Variants in UVRAG observed in about 807,000 individuals in gnomAD.
UVRAG encodes UV radiation resistance associated.
A neutral mutation model predicts 78.0 loss-of-function variants in UVRAG; 19 were observed. The ratio of observed to expected loss-of-function variants is 0.24; its 90% CI spans 0.17 to 0.36. UVRAG has a LOEUF of 0.36. Ranked by LOEUF, UVRAG falls within the 10% of genes least tolerant of loss-of-function variation. UVRAG has a pLI of 1.00. For synonymous variants in UVRAG, 323 were observed against 324.6 expected (o/e 1.00, Z 0.05); for missense variants, 740 against 853.8 (o/e 0.87, Z 1.66).
chr11:76,109,121 T>C (rs1291015077), intron 13 of UVRAG, among the ~76,000 whole-genome samples: 2 of 152,234 alleles, frequency 1.3e-5, no homozygotes, highest in Non-Finnish European at 2.9e-5. Context: ...AGCAATATTT[T>C]ATTTGCCTAG....
intron 13 of UVRAG, among the ~76,000 whole-genome samples, chr11:76,082,824 G>A (rs1250403972): frequency 6.6e-6 from 1 of 152,128 alleles, no homozygotes; most frequent in African/African-American, 2.4e-5. Flanking sequence ...GAGCCCAGGA[G>A]TTCAAGACCA....
intron 8 of UVRAG, among the ~76,000 whole-genome samples, chr11:75,999,258 T>TAG (rs1949765178): frequency 7.5e-6 from 1 of 133,798 alleles, no homozygotes; most frequent in Non-Finnish European, 1.6e-5. Context: ...AAAAGTCAAC[T>TAG]TTCTAAGGCA....
intron 5 of UVRAG, among the ~76,000 whole-genome samples, chr11:75,908,057 T>G (rs1189990132): frequency 6.6e-6 from 1 of 152,144 alleles, no homozygotes; most frequent in Non-Finnish European, 1.5e-5. Flanking sequence ...CTGAAACTCT[T>G]TATTAAACAA....
intron 12 of UVRAG, among the ~76,000 whole-genome samples, chr11:76,051,550 A>G (rs1372446677): frequency 6.6e-6 from 1 of 151,332 alleles, no homozygotes; most frequent in Non-Finnish European, 1.5e-5. Flanking sequence ...ACAGCCCTGC[A>G]ACTTACAAGT....
chr11:76,099,847 G>T (rs1951848385), intron 13 of UVRAG, among the ~76,000 whole-genome samples: 1 of 151,810 alleles, frequency 6.6e-6, no homozygotes. Context: ...GTTTTCATTT[G>T]GTTTGCATGG....
intron 11 of UVRAG, among the ~76,000 whole-genome samples, chr11:76,014,846 C>G (rs1390815500): frequency 1.3e-5 from 2 of 152,156 alleles, no homozygotes; most frequent in African/African-American, 2.4e-5. Flanking sequence ...ATGTAAAGTA[C>G]TTTTAGTCCC....
At chr11:75,989,087 G>A (rs1949555258) in intron 8 of UVRAG, among the ~76,000 whole-genome samples, 1 of 151,360 alleles carries the variant, frequency 6.6e-6, no homozygotes, top group Non-Finnish European at 1.5e-5. Context: ...TTGAGATGGG[G>A]TCTCACTCTT....
At chr11:75,952,946 C>A (rs1017703407) in intron 6 of UVRAG, among the ~76,000 whole-genome samples, 1 of 151,940 alleles carries the variant, frequency 6.6e-6, no homozygotes, top group African/African-American at 2.4e-5. Flanking sequence ...GATGGTGGTT[C>A]TTTAGATTTT....
chr11:76,020,320 C>G (rs1444185898), intron 12 of UVRAG, among the ~76,000 whole-genome samples: 2 of 152,102 alleles, frequency 1.3e-5, no homozygotes, highest in Non-Finnish European at 2.9e-5. Context: ...ATTTGGTGCT[C>G]TACTCCACTG....
At chr11:76,066,948 T>C (rs1248301545) in intron 13 of UVRAG, among the ~76,000 whole-genome samples, 1 of 152,346 alleles carries the variant, frequency 6.6e-6, no homozygotes, top group East Asian at 1.9e-4. Context: ...CTTTTGTTTT[T>C]GTTGGCCTGT....
intron 14 of UVRAG, among the ~76,000 whole-genome samples, chr11:76,130,469 G>A (rs1952494267): frequency 6.6e-6 from 1 of 152,156 alleles, no homozygotes; most frequent in Non-Finnish European, 1.5e-5. Flanking sequence ...TTTATACTCT[G>A]CCTCCTTTAG....
intron 5 of UVRAG, among the ~76,000 whole-genome samples, chr11:75,908,326 G>A (rs1385534337): frequency 6.6e-6 from 1 of 152,056 alleles, no homozygotes; most frequent in African/African-American, 2.4e-5. Context: ...ATCTGTCTGT[G>A]GACACTTGGG....
chr11:76,050,929 T>G (rs1225830473), intron 12 of UVRAG, among the ~76,000 whole-genome samples: 1 of 152,192 alleles, frequency 6.6e-6, no homozygotes, highest in Non-Finnish European at 1.5e-5. Context: ...AAGCCTTAAC[T>G]TATTGTACCT....
In UVRAG at chr11:75,927,212, G is replaced by C. The variant is rs370868786; in HGVS notation, c.593+15173G>C. On this transcript the variant is annotated intron_variant, in intron 6 of 14. Transcript: ENST00000356136. ...AGCCTCCCGAGTAGCTGGGACTGCAGGTGTGTGCCACTACGCCCGTCTAAT... is the reference window on the plus strand; with the variant it reads ...AGCCTCCCGAGTAGCTGGGACTGCACGTGTGTGCCACTACGCCCGTCTAAT... Among the ~76,000 whole-genome samples the C allele has an allele frequency of 3.3e-5, 5 of 152,102 alleles. No individual in the cohort carries two copies. The East Asian group carries it at 9.7e-4, about 29-fold the overall frequency.
chr11:76,075,343 G>A (rs1180109871), intron 13 of UVRAG, among the ~76,000 whole-genome samples: 1 of 152,126 alleles, frequency 6.6e-6, no homozygotes, highest in African/African-American at 2.4e-5. Context: ...AGGCGTGGTG[G>A]CTCACACCTG....
At chr11:76,049,118 G>T (rs180910602) in intron 12 of UVRAG, among the ~76,000 whole-genome samples, 1 of 152,304 alleles carries the variant, frequency 6.6e-6, no homozygotes, top group Admixed American at 6.5e-5. Context: ...CCTGTGAAGG[G>T]GCTGCTGAAT....
intron 12 of UVRAG, among the ~76,000 whole-genome samples, chr11:76,054,641 C>T (rs984403599): frequency 1.3e-5 from 2 of 152,166 alleles, no homozygotes; most frequent in African/African-American, 2.4e-5. Flanking sequence ...TTGCACTTTT[C>T]GTTTCACCTG....
chr11:75,906,467 C>T (rs1478184328), intron 5 of UVRAG, among the ~76,000 whole-genome samples: 1 of 152,116 alleles, frequency 6.6e-6, no homozygotes, highest in Non-Finnish European at 1.5e-5. Flanking sequence ...CTGCCTCCAG[C>T]CTCCCGAGTA....
intron 14 of UVRAG, among the ~76,000 whole-genome samples, chr11:76,130,976 G>C (rs1775621995): frequency 6.6e-6 from 1 of 151,252 alleles, no homozygotes; most frequent in Admixed American, 6.6e-5. Context: ...AGCATAAACA[G>C]TTTATTATTC....
Sources: gnomAD v4.1 joint callset for allele counts (sites outside exome capture counted in the v4.1 genomes callset) on GRCh38, gnomAD v4.1.1 for gene constraint, MANE v1.5 for transcripts, NCBI Gene and HGNC (gene_info 2026-07-23, HGNC 2026-07-21) for gene names.